Variants in INO80C observed in about 807,000 individuals in gnomAD.
The protein encoded by INO80C is INO80 complex subunit C.
In INO80C, 17 loss-of-function variants were observed where a neutral mutation model predicts 17.7. The ratio of observed to expected loss-of-function variants is 0.96; its 90% CI spans 0.66 to 1.44. INO80C has a LOEUF of 1.44. INO80C is among the 40% of genes most tolerant of loss of function. The pLI is 0.00. For missense variants in INO80C, 244 were observed against 245.0 expected, an observed-to-expected ratio of 1.00 and a Z score of 0.03; for synonymous variants, 96 against 95.8, an observed-to-expected ratio of 1.00 and a Z score of -0.01.
chr18:35,493,939 A>C lies in INO80C; in HGVS notation c.156+3780T>G, dbSNP rs1381957076. On this transcript the variant is annotated intron_variant, in intron 1 of 4. Transcript: ENST00000334598. The stretch of plus-strand genomic sequence containing the variant: ...AAATCTCCTCTAACTCAAGAAATAC[A>C]ATCATTTATAGAAAAACACTCACTT... Among the ~76,000 whole-genome samples, 4 of 152,224 alleles carry C rather than the reference A, an allele frequency of 2.6e-5. No homozygotes were observed. In the East Asian group the frequency reaches 7.7e-4, roughly 29 times the overall value.
intron 1 of INO80C, among the ~76,000 whole-genome samples, chr18:35,480,803 C>T (rs1187171936): frequency 1.4e-4 from 21 of 152,336 alleles, no homozygotes; most frequent in Non-Finnish European, 2.4e-4. Context: ...CCCGGGTACC[C>T]TAAGTGCCAA....
chr18:35,475,756 T>C (rs893363362), intron 4 of INO80C, among the ~76,000 whole-genome samples: 4 of 152,030 alleles, frequency 2.6e-5, no homozygotes, highest in Middle Eastern at 3.4e-3. Flanking sequence ...ATCTACTTTA[T>C]AAGAAAAGCA....
chr18:35,475,115 A>G (rs141389684), intron 4 of INO80C, among the ~76,000 whole-genome samples: 28 of 139,682 alleles, frequency 2.0e-4, no homozygotes, highest in Non-Finnish European at 4.3e-4. Context: ...GAAAAATAAT[A>G]CCCTGAGTCA....
chr18:35,480,331 A>G, intron 2 of INO80C, 122 bp downstream of exon 2: 1 of 710,078 alleles, frequency 1.4e-6, no homozygotes. Context: ...ATAGGGGAGA[A>G]GGAGGTAACT....
rs903225540 is a variant in INO80C at position 35,468,508 on chromosome 18, A to G, written c.*103T>C. 53 of 1,577,096 alleles carry G rather than the reference A, an allele frequency of 3.4e-5. No homozygotes were observed. The highest frequency in any genetic ancestry group is 4.6e-5 in the Non-Finnish European group (53 of 1,161,158). ...ATTCTTTCCAAGGCACAGCACTGGC[A>G]TTTTCAGATTGACAGCAGAACGAGT... On this transcript the variant is annotated 3_prime_UTR_variant, in exon 5 of 5. Coordinates refer to ENST00000334598, the MANE Select transcript of INO80C (RefSeq NM_194281.4).
intron 1 of INO80C, among the ~76,000 whole-genome samples, chr18:35,485,350 G>A (rs375769059): frequency 3.0e-4 from 46 of 152,106 alleles, no homozygotes; most frequent in African/African-American, 1.1e-3. Context: ...AATATATGAA[G>A]AACTCTACAA....
At chr18:35,478,039 T>G (rs546127087) in intron 4 of INO80C, among the ~76,000 whole-genome samples, 8 of 152,210 alleles carry the variant, frequency 5.3e-5, no homozygotes, top group African/African-American at 1.4e-4. Context: ...TTATCTCATA[T>G]AGTTAACTAG....
chr18:35,489,721 G>C (rs1443137913), intron 1 of INO80C, among the ~76,000 whole-genome samples: 1 of 152,184 alleles, frequency 6.6e-6, no homozygotes, highest in African/African-American at 2.4e-5. Context: ...CCAGATAAGG[G>C]ACAAGAATAA....
At chr18:35,494,249 C>T (rs902789968) in intron 1 of INO80C, among the ~76,000 whole-genome samples, 1 of 152,182 alleles carries the variant, frequency 6.6e-6, no homozygotes, top group East Asian at 1.9e-4. Context: ...TTCCAGTACA[C>T]CCCTGCTACC....
At chr18:35,473,519 T>C (rs1319203134) in intron 4 of INO80C, among the ~76,000 whole-genome samples, 6 of 152,146 alleles carry the variant, frequency 3.9e-5, no homozygotes, top group Non-Finnish European at 7.4e-5. Context: ...AAAAGTCAGT[T>C]TGGGATTCCA....
intron 4 of INO80C, 101 bp from the exon 5 acceptor site, chr18:35,468,843 A>G (rs948799182): frequency 5.6e-6 from 6 of 1,067,952 alleles, no homozygotes; most frequent in African/African-American, 1.6e-5. Flanking sequence ...AAAGTGATAT[A>G]TATTTTCATT....
chr18:35,473,787 T>TAACA (rs140323767), intron 4 of INO80C, among the ~76,000 whole-genome samples: 123 of 152,140 alleles, frequency 8.1e-4, no homozygotes, highest in Non-Finnish European at 9.6e-4. Flanking sequence ...CAACAAAGCC[T>TAACA]AACACCAAAC....
At chr18:35,490,180 C>A (rs142777113) in intron 1 of INO80C, among the ~76,000 whole-genome samples, 1 of 152,068 alleles carries the variant, frequency 6.6e-6, no homozygotes, top group African/African-American at 2.4e-5. Flanking sequence ...AAAGCCCAGG[C>A]CCACTGGAAG....
intron 1 of INO80C, among the ~76,000 whole-genome samples, chr18:35,491,102 A>G (rs745746515): frequency 1.3e-5 from 2 of 152,038 alleles, no homozygotes; most frequent in East Asian, 3.9e-4. Flanking sequence ...CACTTCCCCA[A>G]TCCCAGTGAG....
chr18:35,481,514 C>T (rs2045808467), intron 1 of INO80C, among the ~76,000 whole-genome samples: 1 of 152,208 alleles, frequency 6.6e-6, no homozygotes, highest in Admixed American at 6.5e-5. Context: ...ATTACTTCTG[C>T]CTGTTGGAGA....
chr18:35,495,260 C>T (rs1029008087), intron 1 of INO80C, among the ~76,000 whole-genome samples: 5 of 152,128 alleles, frequency 3.3e-5, no homozygotes, highest in Admixed American at 3.3e-4. Context: ...GAAATTCCAC[C>T]TCTACCAAAA....
rs372203040 is a variant in INO80C, at chr18:35,483,040, G to A, written c.157-2477C>T. On this transcript the variant is annotated intron_variant, in intron 1 of 4. Transcript: ENST00000334598. Reference sequence around the variant, plus strand: ...TCCTTCCTACATTTTGTCTTTTCTGGTGCGATATCCATTTAGCCATTTTCT... The same window carrying A: ...TCCTTCCTACATTTTGTCTTTTCTGATGCGATATCCATTTAGCCATTTTCT... 8.5e-5 allele frequency among the ~76,000 whole-genome samples: 13 copies of A among 152,114 alleles called. No homozygotes were observed. The East Asian group carries it at 2.3e-3, about 27-fold the overall frequency.
At chr18:35,486,740 T>G (rs886370699) in intron 1 of INO80C, among the ~76,000 whole-genome samples, 12 of 127,296 alleles carry the variant, frequency 9.4e-5, no homozygotes, top group Admixed American at 4.9e-4. Flanking sequence ...TGTCTGGCAA[T>G]AGCCACTGCA....
chr18:35,493,241 A>G (rs1376682984), intron 1 of INO80C, among the ~76,000 whole-genome samples: 1 of 152,250 alleles, frequency 6.6e-6, no homozygotes, highest in Non-Finnish European at 1.5e-5. Flanking sequence ...TGCTTGATAA[A>G]TATTAATTAC....
Sources: allele counts gnomAD v4.1 joint callset (sites outside exome capture counted in the v4.1 genomes callset), GRCh38; gene constraint gnomAD v4.1.1; transcripts MANE v1.5; gene names NCBI Gene and HGNC (gene_info 2026-07-23, HGNC 2026-07-21).